SAMD12: variants seen among roughly 807,000 people sequenced by gnomAD.
SAMD12 encodes the protein sterile alpha motif domain containing 12.
A neutral mutation model predicts 15.0 loss-of-function variants in SAMD12; 9 were observed. The ratio of observed to expected loss-of-function variants is 0.60; its 90% CI spans 0.36 to 1.05. SAMD12 has a LOEUF of 1.05. Among genes scored for constraint, SAMD12 ranks in the 50% least tolerant of loss-of-function variants. The probability of loss-of-function intolerance (pLI) is 0.01; values close to 1 mark genes in which losing one functional copy is unlikely to be tolerated. For missense variants in SAMD12, 230 were observed against 234.2 expected (o/e 0.98, Z 0.12); for synonymous variants, 86 against 90.1 (o/e 0.96, Z 0.25).
chr8:118,606,786 G>A (rs1827997413), intron 1 of SAMD12, among the ~76,000 whole-genome samples: 1 of 152,162 alleles, frequency 6.6e-6, no homozygotes, highest in African/African-American at 2.4e-5. Context: ...TCTGAGAGCA[G>A]GAAGGAGGCA....
chr8:118,555,983 G>A (rs868021123), intron 2 of SAMD12, among the ~76,000 whole-genome samples: 15 of 152,250 alleles, frequency 9.9e-5, no homozygotes, highest in Non-Finnish European at 1.2e-4. Context: ...TATCCTTATC[G>A]TTAGTGATGT....
chr8:118,483,635 A>G (rs1450527113), intron 2 of SAMD12, among the ~76,000 whole-genome samples: 1 of 152,182 alleles, frequency 6.6e-6, no homozygotes, highest in Non-Finnish European at 1.5e-5. Context: ...AATTTCCTAA[A>G]TGCCTACTAA....
At chr8:118,395,174 A>G (rs1161801466) in intron 3 of SAMD12, among the ~76,000 whole-genome samples, 2 of 152,220 alleles carry the variant, frequency 1.3e-5, no homozygotes, top group South Asian at 2.1e-4. Flanking sequence ...AGGGCTAGCT[A>G]CAGGTGAGTC....
chr8:118,273,888 T>C (rs1281919927), intron 4 of SAMD12, among the ~76,000 whole-genome samples: 1 of 152,100 alleles, frequency 6.6e-6, no homozygotes, highest in African/African-American at 2.4e-5. Flanking sequence ...AAGATAAAAG[T>C]AAAACAAGCA....
chr8:118,369,304 G>A (rs964459243), intron 4 of SAMD12, among the ~76,000 whole-genome samples: 3 of 152,172 alleles, frequency 2.0e-5, no homozygotes, highest in African/African-American at 7.2e-5. Flanking sequence ...ACAAGCAATG[G>A]GGAAAGGATT....
chr8:118,541,063 G>A (rs1825972058), intron 2 of SAMD12, among the ~76,000 whole-genome samples: 1 of 152,192 alleles, frequency 6.6e-6, no homozygotes. Flanking sequence ...CCCAGAGGAT[G>A]AAGCCAACCA....
In SAMD12 at chr8:118,379,397, G is replaced by A; in HGVS notation, c.*20C>T. 3.1e-6 allele frequency: 5 copies of A among 1,607,766 alleles called. No homozygotes were observed. The highest frequency in any genetic ancestry group is 4.2e-6 in the Non-Finnish European group (5 of 1,176,826). On this transcript the variant is annotated 3_prime_UTR_variant, in exon 4 of 4. Coordinates refer to ENST00000314727, the MANE Select transcript of SAMD12 (RefSeq NM_207506.3). ...TTCTCCCTAGTGAGCTATGAAAAAA[G>A]TTTTCAAAGGGAAGTAATCTTAAAT...
intron 4 of SAMD12, among the ~76,000 whole-genome samples, chr8:118,257,424 A>T (rs1399958803): frequency 6.6e-6 from 1 of 152,116 alleles, no homozygotes; most frequent in Non-Finnish European, 1.5e-5. Flanking sequence ...TGAAAATACC[A>T]ATAGAGGGTT....
At chr8:118,610,287 G>A (rs1180312227) in intron 1 of SAMD12, among the ~76,000 whole-genome samples, 1 of 152,128 alleles carries the variant, frequency 6.6e-6, no homozygotes, top group Non-Finnish European at 1.5e-5. Flanking sequence ...GCCCAATTAA[G>A]TAATTTTTTG....
intron 2 of SAMD12, among the ~76,000 whole-genome samples, chr8:118,543,807 C>G (rs940591160): frequency 6.6e-6 from 1 of 151,994 alleles, no homozygotes; most frequent in African/African-American, 2.4e-5. Flanking sequence ...TCCTCACTCC[C>G]CATTCCTTCT....
intron 2 of SAMD12, among the ~76,000 whole-genome samples, chr8:118,550,198 A>G (rs1212964566): frequency 1.3e-5 from 2 of 152,202 alleles, no homozygotes; most frequent in African/African-American, 4.8e-5. Context: ...ATACTCCTTG[A>G]GAAGAGCAAC....
chr8:118,448,834 T>C (rs1822992608), intron 2 of SAMD12, among the ~76,000 whole-genome samples: 1 of 152,270 alleles, frequency 6.6e-6, no homozygotes, highest in Non-Finnish European at 1.5e-5. Context: ...GGCTGGTCAC[T>C]GAACCTTTCT....
At chr8:118,568,813 C>T (rs1194730633) in intron 2 of SAMD12, among the ~76,000 whole-genome samples, 1 of 152,050 alleles carries the variant, frequency 6.6e-6, no homozygotes, top group African/African-American at 2.4e-5. Context: ...TTGATAAAAG[C>T]GTATTTTGCT....
At chr8:118,455,808 T>C (rs1276805429) in intron 2 of SAMD12, among the ~76,000 whole-genome samples, 2 of 152,090 alleles carry the variant, frequency 1.3e-5, no homozygotes, top group Non-Finnish European at 2.9e-5. Context: ...TATACATACA[T>C]ACATCATACA....
the SAMD12 span, among the ~76,000 whole-genome samples, chr8:118,136,175 G>A: frequency 2.6e-5 from 4 of 151,988 alleles, no homozygotes; most frequent in Non-Finnish European, 5.9e-5. Context: ...GATTACAGGT[G>A]TGTGCCACCA....
intron 2 of SAMD12, among the ~76,000 whole-genome samples, chr8:118,458,936 G>C (rs926418437): frequency 2.2e-5 from 3 of 136,146 alleles, no homozygotes; most frequent in Non-Finnish European, 4.7e-5. Context: ...AAATAGTAAA[G>C]TCTTCAGCTA....
intron 2 of SAMD12, among the ~76,000 whole-genome samples, chr8:118,469,495 ATATATTT>A (rs1823701099): frequency 2.9e-5 from 1 of 34,202 alleles, no homozygotes; most frequent in East Asian, 6.4e-4. Flanking sequence ...TATATTATAT[ATATATTT>A]TTATATAATA....
intron 2 of SAMD12, among the ~76,000 whole-genome samples, chr8:118,457,920 G>T (rs567411963): frequency 6.6e-6 from 1 of 152,156 alleles, no homozygotes; most frequent in Admixed American, 6.5e-5. Flanking sequence ...GAGGGTGACC[G>T]GCCTCCTCTA....
intron 3 of SAMD12, among the ~76,000 whole-genome samples, chr8:118,418,088 C>T (rs1346972746): frequency 6.6e-6 from 1 of 152,138 alleles, no homozygotes; most frequent in Non-Finnish European, 1.5e-5. Flanking sequence ...TGCCTACCGT[C>T]TGTGTGGTTT....
Sources: allele counts gnomAD v4.1 joint callset (sites outside exome capture counted in the v4.1 genomes callset), GRCh38; gene constraint gnomAD v4.1.1; transcripts MANE v1.5; gene names NCBI Gene and HGNC (gene_info 2026-07-23, HGNC 2026-07-21).